The following PUM2 variants were observed in gnomAD, a reference collection of about 807,000 sequenced individuals.
The protein encoded by PUM2 is pumilio RNA binding family member 2, also known as pumilio homolog 2.
Under a neutral mutation model 124.5 loss-of-function variants are expected in PUM2, and 57 were observed. That is an observed-to-expected ratio of 0.46 (90% CI 0.37 to 0.57). The LOEUF is 0.57. Among genes scored for constraint, PUM2 ranks in the 20% least tolerant of loss-of-function variants. The probability of loss-of-function intolerance (pLI) is 0.00; values close to 1 mark genes in which losing one functional copy is unlikely to be tolerated. For synonymous variants in PUM2, 460 were observed against 446.1 expected, an observed-to-expected ratio of 1.03 and a Z score of -0.39; for missense variants, 1,065 against 1,290.6, an observed-to-expected ratio of 0.83 and a Z score of 2.68.
intron 7 of PUM2, among the ~76,000 whole-genome samples, chr2:20,306,146 A>T (rs73216226): frequency 0.036 from 5,480 of 152,178 alleles, 306 homozygotes; most frequent in African/African-American, 0.12. Context: ...CAGCAGTTGC[A>T]GTGAGCCAAG....
At chr2:20,340,886 T>C (rs931037214) in intron 1 of PUM2, among the ~76,000 whole-genome samples, 2 of 152,164 alleles carry the variant, frequency 1.3e-5, no homozygotes, top group Non-Finnish European at 2.9e-5. Context: ...CATTTGCAAA[T>C]GGAAACAACA....
Position 20,350,724 on chromosome 2 carries a change from C to G in PUM2, c.-146G>C. The G allele has an allele frequency of 1.0e-6, 1 of 952,644 alleles. No individual in the cohort carries two copies. The highest frequency in any genetic ancestry group is 1.2e-6 in the Non-Finnish European group (1 of 808,836). The allele number at this position is 952,644 out of a possible 1,614,324, so 59.0% of individuals were successfully genotyped here. On this transcript the variant is annotated 5_prime_UTR_variant, in exon 1 of 21. Transcript: ENST00000361078. ...CAATGTCTTCTTTCTCCACCTACCA[C>G]CCTCCCCCCCCACCCCACCTCCTCC...
At position 20,248,840 on chromosome 2, in the gene PUM2, G is replaced by A. The variant is rs1572490954; in HGVS notation, c.*2745C>T. ...ATTTCATATGAACCAATAAGAGCCAGGACTTAGACAAACTGGTCCAGAAAC... is the reference window on the plus strand; with the variant it reads ...ATTTCATATGAACCAATAAGAGCCAAGACTTAGACAAACTGGTCCAGAAAC... On this transcript the variant is annotated 3_prime_UTR_variant, in exon 21 of 21. Transcript: ENST00000361078. 1 of 152,610 alleles carries A rather than the reference G, an allele frequency of 6.6e-6. No individual in the cohort carries two copies. Among genetic ancestry groups the A allele is most frequent in the African/African-American group, 2.4e-5 (1 of 41,430 alleles). 9.5% of individuals were successfully genotyped at this position (152,610 alleles called of 1,614,324 possible).
Position 20,263,324 on chromosome 2 carries a change from A to G in PUM2, c.2094T>C (p.Asn698=), listed in dbSNP as rs746651413. 6.2e-7 allele frequency: 1 copy of G among 1,614,188 alleles called. No homozygotes were observed. The highest frequency in any genetic ancestry group is 8.5e-7 in the Non-Finnish European group (1 of 1,180,014). Residue 698 remains asparagine (N), a synonymous_variant, in exon 14 of 21, where the codon AAT becomes AAC. Coordinates refer to ENST00000361078, the MANE Select transcript of PUM2 (RefSeq NM_015317.5). ...QLFPPSRLRY[N]RSDIMPSGRS... is the part of the protein sequence containing the mutation. ...GGCCAGAAGGCATAATATCAGACCT[A>G]TTATACCGAAGCCGGGAAGGAGGAA...
In PUM2 at chr2:20,255,324, A is replaced by T. The variant is rs141923685; in HGVS notation, c.2640T>A (p.Thr880=). Residue 880 remains threonine (T), a synonymous_variant, in exon 18 of 21, where the codon ACT becomes ACA. Transcript: ENST00000361078. ...AFKGQVFVLS[T]HPYGCRVIQR... is the part of the protein sequence containing the mutation. ...GAATTACTCTGCAGCCATAAGGATG[A>T]GTTGAAAGCACAAATACCTGAGGAC... The T allele has an allele frequency of 4.0e-4, 651 of 1,612,280 alleles. 1 individual carries two copies. Among genetic ancestry groups the T allele is most frequent in the Middle Eastern group, 2.6e-3 (16 of 6,058 alleles).
intron 7 of PUM2, 47 bp from the exon 8 acceptor site, chr2:20,297,725 A>T: frequency 6.4e-7 from 1 of 1,552,464 alleles, no homozygotes; most frequent in East Asian, 2.3e-5. Flanking sequence ...GTAAAGTATG[A>T]TTTTTTTCAT....
chr2:20,306,079 C>T (rs955679206), intron 7 of PUM2, among the ~76,000 whole-genome samples: 2 of 152,042 alleles, frequency 1.3e-5, no homozygotes, highest in Admixed American at 1.3e-4. Flanking sequence ...GTGGCGTGCA[C>T]CTGTGGTCCC....
At chr2:20,346,569 CT>C (rs1467440804) in intron 1 of PUM2, among the ~76,000 whole-genome samples, 1 of 152,166 alleles carries the variant, frequency 6.6e-6, no homozygotes, top group Admixed American at 6.5e-5. Flanking sequence ...CAGAAACTGC[CT>C]AAAGTCAGGG....
At chr2:20,309,144 A>G (rs903217809) in intron 5 of PUM2, among the ~76,000 whole-genome samples, 5 of 152,288 alleles carry the variant, frequency 3.3e-5, no homozygotes, top group East Asian at 1.9e-4. Flanking sequence ...ACTATACATG[A>G]TAAGTCAAAA....
rs753672301 is a variant in PUM2 at position 20,294,481 on chromosome 2, T to C, written c.1047A>G (p.Pro349=). The change falls in exon 9 of 21, where the codon CCA becomes CCG. Residue 349 remains proline (P), a synonymous_variant. Coordinates refer to ENST00000361078, the MANE Select transcript of PUM2 (RefSeq NM_015317.5). ...ATAAGTTGGCTGGATACACCCCCCATGGAACGCCGTAATACTGAGGTGGAA... is the reference window on the plus strand; with the variant it reads ...ATAAGTTGGCTGGATACACCCCCCACGGAACGCCGTAATACTGAGGTGGAA... ...AVVPPQYYGV[P]WGVYPANLFQ... is the part of the protein sequence containing the mutation. 5.6e-6 allele frequency: 9 copies of C among 1,614,080 alleles called. No homozygotes were observed. The highest frequency in any genetic ancestry group is 3.3e-4 in the Middle Eastern group (2 of 6,062).
chr2:20,268,303 A>G (rs1326009053), intron 13 of PUM2, among the ~76,000 whole-genome samples: 1 of 152,214 alleles, frequency 6.6e-6, no homozygotes, highest in Non-Finnish European at 1.5e-5. Context: ...TTCAACTAGT[A>G]ATTGCAAATA....
chr2:20,289,119 G>A (rs936375681), intron 10 of PUM2, among the ~76,000 whole-genome samples: 12 of 151,750 alleles, frequency 7.9e-5, no homozygotes, highest in African/African-American at 2.2e-4. Context: ...GTGAAGCCCC[G>A]TCTCTACTAA....
intron 8 of PUM2, among the ~76,000 whole-genome samples, chr2:20,296,280 G>A (rs1003285945): frequency 1.3e-5 from 2 of 152,188 alleles, no homozygotes; most frequent in African/African-American, 4.8e-5. Flanking sequence ...CGGATCACAA[G>A]GTCAGGAGAT....
In PUM2 at chr2:20,318,661, A is replaced by G. The variant is rs1483949012; in HGVS notation, c.52-16T>C. The G allele has an allele frequency of 6.5e-7, 1 of 1,550,116 alleles. No individual in the cohort carries two copies. Among genetic ancestry groups the G allele is most frequent in the Non-Finnish European group, 8.9e-7 (1 of 1,124,304 alleles). On this transcript the variant is annotated splice_polypyrimidine_tract_variant and intron_variant, in intron 2 of 20. Transcript: ENST00000361078. ...TAGGCAAAAGCTATTTGGAGGAAAA[A>G]TTACAGTTAAATTTTATTCTAATTA...
At chr2:20,252,536 A>G (rs2148371049) in intron 20 of PUM2, among the ~76,000 whole-genome samples, 1 of 152,348 alleles carries the variant, frequency 6.6e-6, no homozygotes. Context: ...AGACGACCAA[A>G]GGGGTTATGT....
chr2:20,263,402 T>A lies in PUM2; in HGVS notation c.2016A>T (p.Lys672Asn). Residue 672 changes from lysine (K) to asparagine (N), a missense_variant, in exon 14 of 21, where the codon AAA (lysine) becomes AAT (asparagine). This residue lies in a region of PUM2 where 968 missense variants were observed against 1,159.8 expected (regional missense o/e 0.83). Transcript: ENST00000361078. ...TGGAAGTGCTTGAAGCACTTCGATA[T>A]TTTGCTTCTGCTCCAGGTGCTGCAG... ...YISAAPGAEA[K>N]YRSASSTSSL... 6.2e-7 allele frequency: 1 copy of A among 1,614,024 alleles called. No homozygotes were observed. Among genetic ancestry groups the A allele is most frequent in the Non-Finnish European group, 8.5e-7 (1 of 1,179,854 alleles).
chr2:20,335,833 T>C (rs1459439342), intron 1 of PUM2, among the ~76,000 whole-genome samples: 2 of 152,262 alleles, frequency 1.3e-5, no homozygotes, highest in Non-Finnish European at 2.9e-5. Context: ...TAATGTTTTA[T>C]TCCAACCCCA....
At chr2:20,342,363 CA>C (rs1161721481) in intron 1 of PUM2, among the ~76,000 whole-genome samples, 1 of 152,200 alleles carries the variant, frequency 6.6e-6, no homozygotes, top group Non-Finnish European at 1.5e-5. Context: ...TGCTCAGTAG[CA>C]CCCACTTGCT....
At chr2:20,327,066 T>A (rs1683860044) in intron 2 of PUM2, among the ~76,000 whole-genome samples, 1 of 151,772 alleles carries the variant, frequency 6.6e-6, no homozygotes, top group Non-Finnish European at 1.5e-5. Flanking sequence ...ATATAAGAAA[T>A]TATCTCACCA....
Sources: allele counts gnomAD v4.1 joint callset (sites outside exome capture counted in the v4.1 genomes callset), GRCh38; gene constraint gnomAD v4.1.1; regional missense constraint gnomAD v4.1.1; transcripts MANE v1.5; gene names NCBI Gene and HGNC (gene_info 2026-07-23, HGNC 2026-07-21).